GRIN2B: variants seen among roughly 807,000 people sequenced by gnomAD.
GRIN2B encodes glutamate ionotropic receptor NMDA type subunit 2B, also known as glutamate receptor ionotropic, NMDA 2B.
GRIN2B carries 5 observed loss-of-function variants against 114.5 expected under a neutral mutation model. The ratio of observed to expected loss-of-function variants is 0.04; its 90% CI spans 0.02 to 0.09. The LOEUF (loss-of-function observed/expected upper bound fraction) is 0.09. GRIN2B is among the 10% of genes least tolerant of loss of function. The pLI is 1.00. For synonymous variants in GRIN2B, 787 were observed against 745.1 expected (o/e 1.06, Z -0.92); for missense variants, 1,108 against 1,943.5 (o/e 0.57, Z 8.08).
At chr12:13,758,977 TTGATGATCTCATCTAG>T (rs1863627744) in intron 3 of GRIN2B, among the ~76,000 whole-genome samples, 1 of 151,646 alleles carries the variant, frequency 6.6e-6, no homozygotes, top group Admixed American at 6.6e-5. Flanking sequence ...TGAAATGAAT[TTGATGATCTCATCTAG>T]TTCAATTTTT....
intron 2 of GRIN2B, among the ~76,000 whole-genome samples, chr12:13,958,969 A>G (rs542508761): frequency 5.9e-5 from 9 of 152,234 alleles, no homozygotes; most frequent in South Asian, 2.1e-4. Context: ...AGAAAAAAAA[A>G]GGGGGTGGAG....
intron 12 of GRIN2B, among the ~76,000 whole-genome samples, chr12:13,567,608 A>G (rs1948658118): frequency 6.6e-6 from 1 of 152,094 alleles, no homozygotes; most frequent in Non-Finnish European, 1.5e-5. Context: ...CAAGAGTCCA[A>G]ATTGGTGACA....
At chr12:13,580,788 C>G (rs146405608) in intron 10 of GRIN2B, among the ~76,000 whole-genome samples, 2 of 152,314 alleles carry the variant, frequency 1.3e-5, no homozygotes, top group African/African-American at 4.8e-5. Flanking sequence ...AGACACAAAA[C>G]AATTCCATTT....
chr12:13,821,764 T>C (rs1191804901), intron 3 of GRIN2B, among the ~76,000 whole-genome samples: 2 of 152,180 alleles, frequency 1.3e-5, no homozygotes, highest in Non-Finnish European at 2.9e-5. Context: ...TCAAACAGCT[T>C]ACAATCTAGT....
intron 2 of GRIN2B, among the ~76,000 whole-genome samples, chr12:13,952,502 A>G (rs1230309726): frequency 6.6e-6 from 1 of 152,196 alleles, no homozygotes. Context: ...GTTCTATCCC[A>G]TGGAACCTCT....
At chr12:13,733,272 G>A (rs1036176023) in intron 4 of GRIN2B, among the ~76,000 whole-genome samples, 31 of 147,206 alleles carry the variant, frequency 2.1e-4, no homozygotes, top group African/African-American at 7.8e-4. Flanking sequence ...TTAGGTAAAA[G>A]AAGTTGACCC....
intron 4 of GRIN2B, among the ~76,000 whole-genome samples, chr12:13,725,035 T>C (rs1230389159): frequency 6.6e-6 from 1 of 152,150 alleles, no homozygotes; most frequent in Admixed American, 6.6e-5. Flanking sequence ...AACAACTTCC[T>C]TGAGACAGAG....
intron 1 of GRIN2B, among the ~76,000 whole-genome samples, 181 bp downstream of exon 1, chr12:13,981,161 C>CA (rs60755034): frequency 0.14 from 20,477 of 147,038 alleles, 1,929 homozygotes; most frequent in African/African-American, 0.27. Flanking sequence ...CCCTCCCCCA[C>CA]AAAAAAAAAA....
intron 4 of GRIN2B, among the ~76,000 whole-genome samples, chr12:13,697,651 AC>A (rs1390461041): frequency 3.3e-5 from 5 of 152,184 alleles, no homozygotes; most frequent in Admixed American, 1.3e-4. Flanking sequence ...CAATATCCCT[AC>A]CAATGAAATA....
At chr12:13,879,705 G>A (rs774191161) in intron 2 of GRIN2B, among the ~76,000 whole-genome samples, 22 of 152,144 alleles carry the variant, frequency 1.4e-4, no homozygotes, top group Non-Finnish European at 2.8e-4. Context: ...GTCCACCATC[G>A]CCATAGGAAT....
At chr12:13,874,546 C>T (rs934300326) in intron 2 of GRIN2B, among the ~76,000 whole-genome samples, 1 of 152,138 alleles carries the variant, frequency 6.6e-6, no homozygotes, top group Non-Finnish European at 1.5e-5. Context: ...AATATCTGCA[C>T]GCAGTTCTTA....
chr12:13,794,038 CAAAAAAAA>C (rs59335663), intron 3 of GRIN2B, among the ~76,000 whole-genome samples: 1 of 79,226 alleles, frequency 1.3e-5, no homozygotes, highest in African/African-American at 5.3e-5. Flanking sequence ...CCCATCTCTA[CAAAAAAAA>C]AAAAAAAAAA....
At chr12:13,808,237 C>T (rs990597299) in intron 3 of GRIN2B, among the ~76,000 whole-genome samples, 2 of 152,030 alleles carry the variant, frequency 1.3e-5, no homozygotes, top group Admixed American at 6.6e-5. Context: ...TGCTTCCTAG[C>T]CCATGTTCTA....
At chr12:13,791,430 T>C (rs983579920) in intron 3 of GRIN2B, among the ~76,000 whole-genome samples, 4 of 144,530 alleles carry the variant, frequency 2.8e-5, no homozygotes, top group Non-Finnish European at 6.0e-5. Flanking sequence ...CCAGCCTGGG[T>C]GACAGAGCGA....
intron 3 of GRIN2B, among the ~76,000 whole-genome samples, chr12:13,808,713 T>C (rs1157645622): frequency 1.4e-5 from 2 of 142,982 alleles, no homozygotes; most frequent in African/African-American, 2.6e-5. Flanking sequence ...CTGCACATTA[T>C]GCACATGTAC....
At chr12:13,709,182 C>T (rs940295551) in intron 4 of GRIN2B, among the ~76,000 whole-genome samples, 4 of 151,878 alleles carry the variant, frequency 2.6e-5, no homozygotes, top group African/African-American at 9.7e-5. Context: ...GAGAAGAACA[C>T]CAGAATTCAA....
At chr12:13,924,385 A>G (rs528761271) in intron 2 of GRIN2B, among the ~76,000 whole-genome samples, 58 of 152,340 alleles carry the variant, frequency 3.8e-4, no homozygotes, top group African/African-American at 1.2e-3. Flanking sequence ...TGTGAGAGCT[A>G]TTATCATCCC....
In GRIN2B at chr12:13,795,312, A is replaced by G. The variant is rs1326257419; in HGVS notation, c.412-41397T>C. On this transcript the variant is annotated intron_variant, in intron 3 of 13. Coordinates refer to ENST00000609686, the MANE Select transcript of GRIN2B (RefSeq NM_000834.5). Reference sequence around the variant, plus strand: ...TTTAGGTGGCAAGGTAGATATAAGAAGGCAGTTATTAAAACATGGCTGAGA... The same window carrying G: ...TTTAGGTGGCAAGGTAGATATAAGAGGGCAGTTATTAAAACATGGCTGAGA... 2.0e-5 allele frequency among the ~76,000 whole-genome samples: 3 copies of G among 152,040 alleles called. No homozygotes were observed. The East Asian group carries it at 5.8e-4, about 29-fold the overall frequency.
In GRIN2B at chr12:13,546,271, G is replaced by A. The variant is rs975153487; in HGVS notation, c.*16512C>T. Reference sequence around the variant, plus strand: ...ACTGGAGAATGGAAATCATTGGAGAGGGGCTGCCCTAAAGGTTTGTAGACA... The same window carrying A: ...ACTGGAGAATGGAAATCATTGGAGAAGGGCTGCCCTAAAGGTTTGTAGACA... On this transcript the variant is annotated 3_prime_UTR_variant, in exon 14 of 14. Coordinates refer to ENST00000609686, the MANE Select transcript of GRIN2B (RefSeq NM_000834.5). 6.6e-6 allele frequency: 1 copy of A among 152,170 alleles called. No homozygotes were observed. The highest frequency in any genetic ancestry group is 2.4e-5 in the African/African-American group (1 of 41,430). 9.4% of individuals were successfully genotyped at this position (152,170 alleles called of 1,614,324 possible).
Sources: gnomAD v4.1 joint callset for allele counts (sites outside exome capture counted in the v4.1 genomes callset) on GRCh38, gnomAD v4.1.1 for gene constraint, MANE v1.5 for transcripts, NCBI Gene and HGNC (gene_info 2026-07-23, HGNC 2026-07-21) for gene names.